Variants in SLMAP observed in about 807,000 individuals in gnomAD.
SLMAP encodes sarcolemmal membrane-associated protein.
In SLMAP, 44 loss-of-function variants were observed where a neutral mutation model predicts 128.8. That is an observed-to-expected ratio of 0.34 (90% confidence interval 0.27 to 0.44). The LOEUF (loss-of-function observed/expected upper bound fraction) is 0.44, where lower values mean the gene tolerates loss of function less well. SLMAP is among the 20% of genes least tolerant of loss of function. The pLI, the probability that SLMAP is intolerant of heterozygous loss-of-function variation, is 1.00. For synonymous variants in SLMAP, 327 were observed against 348.8 expected, an observed-to-expected ratio of 0.94 and a Z score of 0.70; for missense variants, 787 against 985.3, an observed-to-expected ratio of 0.80 and a Z score of 2.69.
chr3:57,842,895 G>A (rs2094006802), intron 4 of SLMAP, among the ~76,000 whole-genome samples: 1 of 152,142 alleles, frequency 6.6e-6, no homozygotes, highest in South Asian at 2.1e-4. Flanking sequence ...TTAGAGTTGG[G>A]TAGTCCAGTT....
chr3:57,917,235 A>G, intron 22 of SLMAP, 158 bp downstream of exon 22: 2 of 1,502,548 alleles, frequency 1.3e-6, no homozygotes, highest in Non-Finnish European at 1.8e-6. Context: ...TTCTAGCTGC[A>G]TATCATGGTC....
At chr3:57,768,955 C>A (rs192583510) in intron 2 of SLMAP, among the ~76,000 whole-genome samples, 1 of 152,074 alleles carries the variant, frequency 6.6e-6, no homozygotes, top group African/African-American at 2.4e-5. Flanking sequence ...ACCCCCCACC[C>A]CAGTTGCGTG....
chr3:57,858,021 C>CT, intron 7 of SLMAP, 67 bp from the exon 8 acceptor site: 9 of 1,117,932 alleles, frequency 8.1e-6, no homozygotes, highest in East Asian at 2.4e-5. Context: ...CAGTAGCAAC[C>CT]TTTTTTTATA....
intron 2 of SLMAP, among the ~76,000 whole-genome samples, chr3:57,771,392 A>G (rs994477245): frequency 6.6e-6 from 1 of 152,046 alleles, no homozygotes; most frequent in African/African-American, 2.4e-5. Flanking sequence ...CACCATGCCT[A>G]GCTAACTTTA....
Position 57,913,168 on chromosome 3 carries a change from G to A in SLMAP, c.2031G>A (p.Glu677=). 1 of 1,517,920 alleles carries A rather than the reference G, an allele frequency of 6.6e-7. No homozygotes were observed. The highest frequency in any genetic ancestry group is 2.3e-5 in the East Asian group (1 of 44,244). The allele number at this position is 1,517,920 out of a possible 1,614,324, so 94.0% of individuals were successfully genotyped here. The part of the protein sequence containing the change: ...EEATRLQGEL[E]KLRKEWNALE... ...TTGGGACTATTTTAGGTGAACTAGA[G>A]AAGTTGAGAAAGGAATGGAATGCAT... Residue 677 remains glutamate, a synonymous_variant, in exon 21 of 25, where the codon GAG becomes GAA. Coordinates refer to ENST00000671191, the MANE Select transcript of SLMAP (RefSeq NM_001377540.1).
At chr3:57,823,181 C>CT (rs1462208754) in intron 2 of SLMAP, among the ~76,000 whole-genome samples, 2 of 152,054 alleles carry the variant, frequency 1.3e-5, no homozygotes, top group African/African-American at 2.4e-5. Flanking sequence ...CAGACAAAAA[C>CT]TTTATCTTTT....
intron 2 of SLMAP, among the ~76,000 whole-genome samples, chr3:57,795,804 T>C (rs2086599842): frequency 6.6e-6 from 1 of 152,150 alleles, no homozygotes; most frequent in African/African-American, 2.4e-5. Flanking sequence ...ACAGAAACAC[T>C]GTACCCATTA....
intron 17 of SLMAP, among the ~76,000 whole-genome samples, chr3:57,906,498 G>C (rs542625767): frequency 6.8e-6 from 1 of 147,498 alleles, no homozygotes; most frequent in Admixed American, 6.8e-5. Flanking sequence ...AGTATTTTTA[G>C]TAGAGACGGG....
At chr3:57,843,319 T>TTTC in intron 4 of SLMAP, among the ~76,000 whole-genome samples, 1 of 141,150 alleles carries the variant, frequency 7.1e-6, no homozygotes. Flanking sequence ...TTTTTTTTTT[T>TTTC]TTTTTTTTTT....
chr3:57,783,543 G>A (rs757982168), intron 2 of SLMAP, among the ~76,000 whole-genome samples: 12 of 152,138 alleles, frequency 7.9e-5, no homozygotes, highest in Non-Finnish European at 1.6e-4. Context: ...AGATGCGAGA[G>A]GAGAAAAATG....
chr3:57,907,845 T>C (rs536878351), intron 17 of SLMAP, 39 bp from the exon 18 acceptor site: 5 of 1,598,696 alleles, frequency 3.1e-6, no homozygotes, highest in East Asian at 4.5e-5. Context: ...TATAGTGTGA[T>C]ACTAACTCTT....
chr3:57,897,498 A>C (rs949367844), intron 17 of SLMAP: 7 of 152,094 alleles, frequency 4.6e-5, no homozygotes, highest in African/African-American at 1.7e-4. Context: ...GGAGTTTGAG[A>C]CCAGCCTGAC....
intron 2 of SLMAP, among the ~76,000 whole-genome samples, chr3:57,815,548 C>T (rs1250179066): frequency 6.6e-6 from 1 of 151,972 alleles, no homozygotes; most frequent in Non-Finnish European, 1.5e-5. Context: ...ATAACCGTAT[C>T]ATTCTGATAA....
At chr3:57,872,942 A>T (rs902432596) in intron 14 of SLMAP, among the ~76,000 whole-genome samples, 2 of 152,100 alleles carry the variant, frequency 1.3e-5, no homozygotes, top group African/African-American at 2.4e-5. Context: ...GTGGATATTC[A>T]TGCATATGTG....
chr3:57,925,349 T>C (rs2096987944), intron 23 of SLMAP, among the ~76,000 whole-genome samples: 1 of 150,130 alleles, frequency 6.7e-6, no homozygotes, highest in Non-Finnish European at 1.5e-5. Flanking sequence ...TTTTTTTTTT[T>C]CAACGGAGTC....
chr3:57,781,031 C>CAT (rs1001166387), intron 2 of SLMAP, among the ~76,000 whole-genome samples: 2 of 151,450 alleles, frequency 1.3e-5, no homozygotes, highest in African/African-American at 4.8e-5. Context: ...TATACACACA[C>CAT]ATATATATGC....
intron 2 of SLMAP, among the ~76,000 whole-genome samples, chr3:57,796,437 T>C (rs1576619822): frequency 6.6e-6 from 1 of 152,174 alleles, no homozygotes; most frequent in Non-Finnish European, 1.5e-5. Context: ...ATCGTGGCTG[T>C]GTCACTTCCT....
intron 2 of SLMAP, among the ~76,000 whole-genome samples, chr3:57,788,240 T>C (rs917417403): frequency 1.3e-5 from 2 of 152,204 alleles, no homozygotes; most frequent in Non-Finnish European, 2.9e-5. Context: ...TGAAGGACTT[T>C]AGTGTAATGC....
Position 57,896,627 on chromosome 3 carries a change from G to T in SLMAP, c.1441+36G>T, listed in dbSNP as rs752046136. 1.3e-5 allele frequency: 20 copies of T among 1,484,170 alleles called. No individual in the cohort carries two copies. In the African/African-American group the frequency reaches 2.6e-4, roughly 19 times the overall value. 91.9% of individuals were successfully genotyped at this position (1,484,170 alleles called of 1,614,324 possible). On this transcript the variant is annotated intron_variant, in intron 16 of 24. Transcript: ENST00000671191. ...ACCTAATGTTTACAGACCTGCAGCTGTTAATGGCAGTTTAGTTATATAGGT... is the reference window on the plus strand; with the variant it reads ...ACCTAATGTTTACAGACCTGCAGCTTTTAATGGCAGTTTAGTTATATAGGT...
Sources: gnomAD v4.1 joint callset for allele counts (sites outside exome capture counted in the v4.1 genomes callset) on GRCh38, gnomAD v4.1.1 for gene constraint, MANE v1.5 for transcripts, NCBI Gene and HGNC (gene_info 2026-07-23, HGNC 2026-07-21) for gene names.